Variants in CNNM2 observed in about 807,000 individuals in gnomAD.
The protein encoded by CNNM2 is metal transporter CNNM2.
CNNM2 carries 12 observed loss-of-function variants against 66.9 expected under a neutral mutation model. The observed-to-expected ratio is 0.18, with a 90% CI of 0.11 to 0.29. The LOEUF (loss-of-function observed/expected upper bound fraction) is 0.29. Among genes scored for constraint, CNNM2 ranks in the 10% least tolerant of loss-of-function variants. The probability of loss-of-function intolerance (pLI) is 1.00; values close to 1 mark genes in which losing one functional copy is unlikely to be tolerated. For missense variants in CNNM2, 705 were observed against 1,167.7 expected (o/e 0.60, Z 5.77); for synonymous variants, 557 against 501.8 (o/e 1.11, Z -1.47).
chr10:102,976,611 ATTTTTTTT>A (rs66498944), intron 1 of CNNM2, among the ~76,000 whole-genome samples: 6 of 59,444 alleles, frequency 1.0e-4, no homozygotes, highest in African/African-American at 2.4e-4. Flanking sequence ...CGCCCAGGTA[ATTTTTTTT>A]TTTTTTTTTT....
chr10:103,080,879 G>C lies in CNNM2; in HGVS notation c.*3699G>C, dbSNP rs185252861. On this transcript the variant is annotated 3_prime_UTR_variant, in exon 8 of 8. Transcript: ENST00000369878. ...TCTCTTTGGGTTGAGGAGCAGACCTGTATAGGCCCTGGCTGATCAAGTCTG... is the reference window on the plus strand; with the variant it reads ...TCTCTTTGGGTTGAGGAGCAGACCTCTATAGGCCCTGGCTGATCAAGTCTG... 18 of 152,300 alleles carry C rather than the reference G, an allele frequency of 1.2e-4. 1 individual carries two copies. In the East Asian group the frequency reaches 3.5e-3, roughly 29 times the overall value. 9.4% of individuals were successfully genotyped at this position (152,300 alleles called of 1,614,324 possible).
At chr10:103,009,227 A>T (rs2064288791) in intron 1 of CNNM2, among the ~76,000 whole-genome samples, 1 of 152,156 alleles carries the variant, frequency 6.6e-6, no homozygotes, top group Non-Finnish European at 1.5e-5. Context: ...CTGGGCCAAG[A>T]TCACACCATT....
chr10:102,926,712 ATTT>A (rs376861078), intron 1 of CNNM2, among the ~76,000 whole-genome samples: 6 of 113,792 alleles, frequency 5.3e-5, no homozygotes, highest in Admixed American at 2.9e-4. Context: ...CACCCAGCTA[ATTT>A]TTTTTTTTTT....
intron 1 of CNNM2, among the ~76,000 whole-genome samples, chr10:102,957,161 C>T (rs1169887214): frequency 6.6e-6 from 1 of 151,890 alleles, no homozygotes; most frequent in Non-Finnish European, 1.5e-5. Context: ...AAAAATTAGC[C>T]AGGCATGGTG....
intron 1 of CNNM2, among the ~76,000 whole-genome samples, chr10:102,923,998 A>T (rs930558718): frequency 1.3e-5 from 2 of 152,230 alleles, no homozygotes; most frequent in Non-Finnish European, 2.9e-5. Context: ...CTGGTTGCTA[A>T]TGAGCATCCT....
rs148114285 is a variant in CNNM2, at chr10:103,057,977, A to G, written c.2073+1013A>G. ...ATCCTTGGCATGGAGGCCAAGGTGG[A>G]TATTAGTCGATAAAATGCTAATGTG... On this transcript the variant is annotated intron_variant, in intron 4 of 7. Transcript: ENST00000369878. 3.1e-4 allele frequency among the ~76,000 whole-genome samples: 47 copies of G among 152,242 alleles called. 1 individual carries two copies. The highest frequency in any genetic ancestry group is 9.6e-4 in the African/African-American group (40 of 41,462).
intron 1 of CNNM2, among the ~76,000 whole-genome samples, chr10:103,045,110 C>T (rs1276099341): frequency 1.3e-5 from 2 of 152,112 alleles, no homozygotes; most frequent in Non-Finnish European, 2.9e-5. Context: ...ATTTAACTTT[C>T]GACAGACAGC....
intron 1 of CNNM2, among the ~76,000 whole-genome samples, chr10:102,940,565 C>T (rs756230493): frequency 1.6e-4 from 24 of 151,812 alleles, no homozygotes; most frequent in Non-Finnish European, 2.5e-4. Flanking sequence ...ACTACAGGTG[C>T]CTGCCACCAT....
intron 4 of CNNM2, among the ~76,000 whole-genome samples, chr10:103,066,714 G>C (rs993665379): frequency 6.6e-6 from 1 of 152,234 alleles, no homozygotes; most frequent in Non-Finnish European, 1.5e-5. Context: ...GGGAGCTTCT[G>C]TTCCCAATGT....
intron 1 of CNNM2, among the ~76,000 whole-genome samples, chr10:102,999,195 C>T (rs1045531789): frequency 1.1e-4 from 17 of 151,596 alleles, no homozygotes; most frequent in African/African-American, 3.9e-4. Flanking sequence ...CTCAGCCTCC[C>T]GAGTAGCTGG....
chr10:102,926,373 C>T (rs772575194), intron 1 of CNNM2, among the ~76,000 whole-genome samples: 2 of 152,142 alleles, frequency 1.3e-5, no homozygotes, highest in Non-Finnish European at 2.9e-5. Flanking sequence ...AACTTGTCTG[C>T]GTTTTCTCTT....
chr10:102,930,505 A>G (rs1846027839), intron 1 of CNNM2, among the ~76,000 whole-genome samples: 1 of 152,178 alleles, frequency 6.6e-6, no homozygotes, highest in Non-Finnish European at 1.5e-5. Context: ...CTTGAGGAAC[A>G]TTTTACTGCT....
At chr10:102,946,989 C>T (rs1430254659) in intron 1 of CNNM2, among the ~76,000 whole-genome samples, 1 of 152,154 alleles carries the variant, frequency 6.6e-6, no homozygotes, top group Admixed American at 6.6e-5. Context: ...AGTAGCTCTT[C>T]ACCAAATGCC....
At position 102,918,921 on chromosome 10, in the gene CNNM2, C is replaced by T. The variant is rs752621821; in HGVS notation, c.441C>T (p.Pro147=). 6.2e-7 allele frequency: 1 copy of T among 1,611,940 alleles called. No individual in the cohort carries two copies. Among genetic ancestry groups the T allele is most frequent in the Admixed American group, 1.7e-5 (1 of 59,976 alleles). ...GPAPPEPDSG[P]QRCGIRTSDI... The stretch of plus-strand genomic sequence containing the variant: ...CGCCGCCAGAGCCGGACAGCGGCCC[C>T]CAGCGATGCGGCATCCGCACCTCAG... Residue 147 remains proline, a synonymous_variant, in exon 1 of 8, where the codon CCC becomes CCT. Coordinates refer to ENST00000369878, the MANE Select transcript of CNNM2 (RefSeq NM_017649.5). The surrounding 1 kb of genome is among the most constrained non-coding windows in gnomAD (Gnocchi z 4.1).
At chr10:102,995,752 G>A (rs2063986159) in intron 1 of CNNM2, among the ~76,000 whole-genome samples, 1 of 151,836 alleles carries the variant, frequency 6.6e-6, no homozygotes, top group Admixed American at 6.6e-5. Flanking sequence ...TTGAGATGGA[G>A]TTTCACTCTT....
At chr10:103,036,142 C>A (rs907477825) in intron 1 of CNNM2, among the ~76,000 whole-genome samples, 1 of 151,820 alleles carries the variant, frequency 6.6e-6, no homozygotes, top group African/African-American at 2.4e-5. Context: ...CACACACACA[C>A]ACACACTCTT....
intron 1 of CNNM2, among the ~76,000 whole-genome samples, chr10:103,040,132 A>G (rs1404375348): frequency 6.6e-6 from 1 of 152,136 alleles, no homozygotes; most frequent in African/African-American, 2.4e-5. Flanking sequence ...GTACCACTGC[A>G]GTTCAGCCTG....
At chr10:103,058,828 C>G (rs1374820409) in intron 4 of CNNM2, among the ~76,000 whole-genome samples, 4 of 152,196 alleles carry the variant, frequency 2.6e-5, no homozygotes, top group African/African-American at 9.6e-5. Flanking sequence ...CAAAATGAAA[C>G]ACCCTCACAG....
chr10:103,035,097 C>T (rs2064910638), intron 1 of CNNM2, among the ~76,000 whole-genome samples: 2 of 151,842 alleles, frequency 1.3e-5, no homozygotes, highest in Non-Finnish European at 2.9e-5. Context: ...CCAGTCTGGG[C>T]AACATAGTGG....
Sources: allele counts gnomAD v4.1 joint callset (sites outside exome capture counted in the v4.1 genomes callset), GRCh38; gene constraint gnomAD v4.1.1; non-coding constraint Gnocchi (gnomAD v3.1); transcripts MANE v1.5; gene names NCBI Gene and HGNC (gene_info 2026-07-23, HGNC 2026-07-21).